The following ARNT variants were observed in gnomAD, a reference collection of about 807,000 sequenced individuals.
ARNT encodes the protein aryl hydrocarbon receptor nuclear translocator.
In ARNT, 30 loss-of-function variants were observed where a neutral mutation model predicts 105.0. The observed-to-expected ratio is 0.29, with a 90% CI of 0.21 to 0.39. The LOEUF is 0.39. ARNT is among the 10% of genes least tolerant of loss of function. The pLI, the probability that ARNT is intolerant of heterozygous loss-of-function variation, is 1.00. For missense variants in ARNT, 748 were observed against 978.7 expected (o/e 0.76, Z 3.15); for synonymous variants, 304 against 344.0 (o/e 0.88, Z 1.29).
At chr1:150,858,554 T>C in intron 1 of ARNT, 94 bp from the exon 2 acceptor site, 1 of 989,886 alleles carries the variant, frequency 1.0e-6, no homozygotes, top group Non-Finnish European at 1.5e-6. Flanking sequence ...GTTCAAGCTA[T>C]AGACAAAATC....
chr1:150,812,780 A>G (rs1654996293), intron 21 of ARNT: 1 of 158,594 alleles, frequency 6.3e-6, no homozygotes, highest in East Asian at 1.8e-4. Flanking sequence ...TGAATGAGCT[A>G]AAGTAACTTT....
At chr1:150,840,945 CTTTTTTTTTTT>C (rs777444553) in intron 5 of ARNT, among the ~76,000 whole-genome samples, 1 of 103,720 alleles carries the variant, frequency 9.6e-6, no homozygotes, top group Non-Finnish European at 1.9e-5. Flanking sequence ...CTCTCTTCTT[CTTTTTTTTTTT>C]TTTTTTTTTT....
Position 150,813,925 on chromosome 1 carries a change from T to C in ARNT, c.2113+152A>G, listed in dbSNP as rs188229008. ...ACAGGCGTGAGCCACCGCACCCAGC[T>C]GGTAGGTTTTAAATTCTAAATAGAT... is the stretch of plus-strand genomic sequence containing the variant. On this transcript the variant is annotated intron_variant, in intron 20 of 21. Transcript: ENST00000358595. The C allele has an allele frequency of 4.0e-4, 438 of 1,085,694 alleles. 3 individuals are homozygous for C. The African/African-American group carries it at 6.5e-3, about 16-fold the overall frequency. 67.3% of individuals were successfully genotyped at this position (1,085,694 alleles called of 1,614,324 possible). A position where few individuals can be genotyped will look rare whatever the true frequency, so the allele number is the denominator to read the frequency against.
At chr1:150,870,341 ATTTCATAT>A (rs1190227419) in intron 1 of ARNT, among the ~76,000 whole-genome samples, 1 of 152,196 alleles carries the variant, frequency 6.6e-6, no homozygotes, top group African/African-American at 2.4e-5. Flanking sequence ...CTTCAAAGGT[ATTTCATAT>A]TAACAGTGGG....
At chr1:150,850,416 C>A (rs912358653) in intron 3 of ARNT, among the ~76,000 whole-genome samples, 1 of 152,182 alleles carries the variant, frequency 6.6e-6, no homozygotes, top group African/African-American at 2.4e-5. Context: ...CGAGTGCCTG[C>A]GATTGCAGTC....
At chr1:150,823,090 G>A in intron 14 of ARNT, 104 bp downstream of exon 14, 3 of 1,213,614 alleles carry the variant, frequency 2.5e-6, no homozygotes, top group Non-Finnish European at 2.2e-6. Context: ...CTAAATTTTT[G>A]TGTTGTTGCT....
chr1:150,860,610 C>A (rs1665457003), intron 1 of ARNT, among the ~76,000 whole-genome samples: 1 of 151,872 alleles, frequency 6.6e-6, no homozygotes, highest in African/African-American at 2.4e-5. Flanking sequence ...AATCCCAGCA[C>A]TTTGGGAGGC....
rs751010612 is a variant in ARNT at position 150,829,148 on chromosome 1, C to A, written c.1112G>T (p.Gly371Val). 2 of 1,614,132 alleles carry A rather than the reference C, an allele frequency of 1.2e-6. No homozygotes were observed. Among genetic ancestry groups the A allele is most frequent in the East Asian group, 2.2e-5 (1 of 44,874 alleles). ...TEFISRHNIE[G>V]IFTFVDHRCV... Reference sequence around the variant, plus strand: ...GCGGTGATCCACAAAAGTGAAGATACCCTCAATGTTGTGTCGGGAGATGAA... The same window carrying A: ...GCGGTGATCCACAAAAGTGAAGATAACCTCAATGTTGTGTCGGGAGATGAA... Residue 371 changes from glycine (G) to valine (V), a missense_variant, in exon 12 of 22, where the codon GGT becomes GTT. Physicochemically the swap from Gly to Val is moderately radical, Grantham distance 109. Coordinates refer to ENST00000358595, the MANE Select transcript of ARNT (RefSeq NM_001668.4).
intron 1 of ARNT, among the ~76,000 whole-genome samples, chr1:150,869,259 C>T (rs1482949350): frequency 1.3e-5 from 2 of 152,160 alleles, no homozygotes; most frequent in East Asian, 1.9e-4. Flanking sequence ...GGGCGGATCA[C>T]AAGGTCAGGA....
At chr1:150,844,023 C>T (rs1245756538) in intron 4 of ARNT, among the ~76,000 whole-genome samples, 1 of 152,124 alleles carries the variant, frequency 6.6e-6, no homozygotes, top group Non-Finnish European at 1.5e-5. Flanking sequence ...CAAATGAAAA[C>T]CAAAATCATT....
chr1:150,873,079 T>A (rs933148669), intron 1 of ARNT, among the ~76,000 whole-genome samples: 6 of 151,606 alleles, frequency 4.0e-5, no homozygotes, highest in African/African-American at 1.5e-4. Flanking sequence ...GGTCAGGAGA[T>A]CGAGACCACC....
chr1:150,820,432 G>GGACT (rs1656805146), intron 14 of ARNT, among the ~76,000 whole-genome samples: 1 of 152,166 alleles, frequency 6.6e-6, no homozygotes, highest in Non-Finnish European at 1.5e-5. Context: ...GGAGGACGAT[G>GGACT]GACTGCTTGT....
intron 1 of ARNT, among the ~76,000 whole-genome samples, chr1:150,873,342 A>G (rs1667774140): frequency 6.6e-6 from 1 of 152,022 alleles, no homozygotes; most frequent in African/African-American, 2.4e-5. Context: ...TAGTCCATAG[A>G]TAAGAAACAG....
rs750762964 is a variant in ARNT, at chr1:150,812,081, G to T, written c.2310C>A (p.Ser770Arg). 1 of 1,574,440 alleles carries T rather than the reference G, an allele frequency of 6.4e-7. No homozygotes were observed. Among genetic ancestry groups the T allele is most frequent in the African/African-American group, 1.4e-5 (1 of 73,508 alleles). ...GGAATTCTTCATTGTTGTAGCTGTT[G>T]CTCTGATCTCCCAGCATGGACAGCA... is the stretch of plus-strand genomic sequence containing the variant. ...QEMLSMLGDQ[S>R]NSYNNEEFPD... Residue 770 changes from serine to arginine, a missense_variant, in exon 22 of 22, where the codon AGC becomes AGA. Coordinates refer to ENST00000358595, the MANE Select transcript of ARNT (RefSeq NM_001668.4).
chr1:150,854,726 G>A (rs1170116252), intron 2 of ARNT, among the ~76,000 whole-genome samples: 14 of 151,492 alleles, frequency 9.2e-5, no homozygotes, highest in Admixed American at 6.6e-4. Flanking sequence ...GTGTGGTGGC[G>A]GGCACCTGTA....
chr1:150,835,594 G>C (rs373593957), intron 7 of ARNT, among the ~76,000 whole-genome samples: 1 of 152,104 alleles, frequency 6.6e-6, no homozygotes, highest in African/African-American at 2.4e-5. Context: ...GAGAGACCCT[G>C]TCTCTTTTTT....
Position 150,816,836 on chromosome 1 carries a change from G to C in ARNT, c.1754C>G (p.Ser585Cys). The change falls in exon 18 of 22, where the codon TCC (serine) becomes TGC (cysteine). Residue 585 changes from serine to cysteine, a missense_variant. By Grantham distance (112) the Ser-to-Cys change is moderately radical. Transcript: ENST00000358595. ...STVPATQQLF[S>C]QGNTFPPTPR... ...GGTAGGAGGGAATGTGTTGCCCTGGGAGAATAGCTGTTGGGTGGCAGGGAC... is the reference window on the plus strand; with the variant it reads ...GGTAGGAGGGAATGTGTTGCCCTGGCAGAATAGCTGTTGGGTGGCAGGGAC... 6.3e-7 allele frequency: 1 copy of C among 1,591,268 alleles called. No homozygotes were observed. Among genetic ancestry groups the C allele is most frequent in the Non-Finnish European group, 8.5e-7 (1 of 1,174,480 alleles).
At chr1:150,875,547 T>C (rs986489212) in intron 1 of ARNT, among the ~76,000 whole-genome samples, 17 of 152,162 alleles carry the variant, frequency 1.1e-4, no homozygotes, top group African/African-American at 3.9e-4. Context: ...ATCAAATATA[T>C]TGGTTTTTGG....
intron 15 of ARNT, 36 bp downstream of exon 15, chr1:150,817,884 G>T (rs988243062): frequency 5.9e-6 from 9 of 1,518,280 alleles, no homozygotes; most frequent in African/African-American, 1.4e-5. Flanking sequence ...CCCCCTGGGT[G>T]ACTGCTCAAC....
Sources: gnomAD v4.1 joint callset for allele counts (sites outside exome capture counted in the v4.1 genomes callset) on GRCh38, gnomAD v4.1.1 for gene constraint, MANE v1.5 for transcripts, NCBI Gene and HGNC (gene_info 2026-07-23, HGNC 2026-07-21) for gene names.